ELAC2: variants seen among roughly 807,000 people sequenced by gnomAD.
ELAC2 encodes the protein zinc phosphodiesterase ELAC protein 2.
In ELAC2, 92 loss-of-function variants were observed where a neutral mutation model predicts 105.2. That is an observed-to-expected ratio of 0.87 (90% CI 0.74 to 1.04). The LOEUF (loss-of-function observed/expected upper bound fraction) is 1.04, where lower values mean the gene tolerates loss of function less well. Among genes scored for constraint, ELAC2 ranks in the 50% least tolerant of loss-of-function variants. The pLI, the probability that ELAC2 is intolerant of heterozygous loss-of-function variation, is 0.00. For missense variants in ELAC2, 1,099 were observed against 1,071.7 expected, an observed-to-expected ratio of 1.03 and a Z score of -0.36; for synonymous variants, 468 against 409.1, an observed-to-expected ratio of 1.14 and a Z score of -1.74.
chr17:13,017,392 C>T, intron 1 of ELAC2: 2 of 628,314 alleles, frequency 3.2e-6, no homozygotes, highest in South Asian at 4.0e-5. Flanking sequence ...CCACCCCACA[C>T]GCTAACAACG....
chr17:13,012,733 A>G (rs1318132170), intron 6 of ELAC2, among the ~76,000 whole-genome samples: 2 of 152,178 alleles, frequency 1.3e-5, no homozygotes, highest in African/African-American at 4.8e-5. Flanking sequence ...GTTCAAGGAC[A>G]AGACTAACTC....
intron 8 of ELAC2, among the ~76,000 whole-genome samples, chr17:13,010,223 T>G (rs149470009): frequency 0.085 from 12,976 of 151,920 alleles, 771 homozygotes; most frequent in Middle Eastern, 0.2. Flanking sequence ...CAGGCTGGAG[T>G]GCAATGGTGC....
chr17:12,995,614 TTGG>T, intron 19 of ELAC2, 86 bp downstream of exon 19: 1 of 1,291,668 alleles, frequency 7.7e-7, no homozygotes, highest in South Asian at 1.3e-5. Flanking sequence ...CTGGGGGATA[TTGG>T]TAACTACCCC....
Position 13,002,428 on chromosome 17 carries a change from T to A in ELAC2, c.1218+13A>T, listed in dbSNP as rs1047861268. Reference sequence around the variant, plus strand: ...GAGAGCTGGGCCGACAAGGGGCCGGTCTGAGACACTACCTTACAGCGGAAA... The same window carrying A: ...GAGAGCTGGGCCGACAAGGGGCCGGACTGAGACACTACCTTACAGCGGAAA... On this transcript the variant is annotated intron_variant, in intron 13 of 23. Coordinates refer to ENST00000338034, the MANE Select transcript of ELAC2 (RefSeq NM_018127.7). 1 of 1,613,566 alleles carries A rather than the reference T, an allele frequency of 6.2e-7. No individual in the cohort carries two copies. The highest frequency in any genetic ancestry group is 8.5e-7 in the Non-Finnish European group (1 of 1,179,782).
intron 16 of ELAC2, among the ~76,000 whole-genome samples, chr17:12,997,377 G>A (rs900945885): frequency 2.6e-5 from 4 of 152,180 alleles, no homozygotes; most frequent in South Asian, 4.1e-4. Context: ...GAGGAGCCAC[G>A]AACACTGAGA....
intron 14 of ELAC2, 149 bp downstream of exon 14, chr17:13,002,125 T>C: frequency 1.2e-6 from 1 of 855,766 alleles, no homozygotes; most frequent in South Asian, 1.5e-5. Flanking sequence ...TTATTGTCCG[T>C]GTTTCTTTTG....
At chr17:13,002,795 AGAGT>A (rs1214805660) in intron 12 of ELAC2, 2 of 689,920 alleles carry the variant, frequency 2.9e-6, no homozygotes, top group Admixed American at 2.4e-5. Flanking sequence ...TGTGCTGGGA[AGAGT>A]GAGAGGAAAA....
At position 13,014,468 on chromosome 17, in the gene ELAC2, A is replaced by T; in HGVS notation, c.461T>A (p.Phe154Tyr). 6.2e-7 allele frequency: 1 copy of T among 1,613,888 alleles called. No individual in the cohort carries two copies. The highest frequency in any genetic ancestry group is 8.5e-7 in the Non-Finnish European group (1 of 1,179,780). The change falls in exon 5 of 24, where the codon TTT (phenylalanine) becomes TAT (tyrosine). Residue 154 changes from phenylalanine (F) to tyrosine (Y), a missense_variant. Transcript: ENST00000338034. ...LEKYLEAIKI[F>Y]SGPLKGIELA... Reference sequence around the variant, plus strand: ...TTCTATTCCTTTCAATGGACCAGAAAATATTTTGATTGCTTCGAGGTATTT... The same window carrying T: ...TTCTATTCCTTTCAATGGACCAGAATATATTTTGATTGCTTCGAGGTATTT...
intron 1 of ELAC2, 124 bp from the exon 2 acceptor site, chr17:13,017,245 T>C: frequency 9.4e-7 from 1 of 1,061,354 alleles, no homozygotes; most frequent in East Asian, 2.5e-5. Flanking sequence ...AAAGTCCACG[T>C]TGGACTACCG....
rs2040219915 is a variant in ELAC2, at chr17:12,992,252, C to T, written c.*566G>A. The stretch of plus-strand genomic sequence containing the variant: ...TGAGGACAGGTTCCAGAGGTGCTCA[C>T]TACGACGGGAGCTGACTTCTTCCAA... On this transcript the variant is annotated 3_prime_UTR_variant, in exon 24 of 24. Transcript: ENST00000338034. 1 of 240,428 alleles carries T rather than the reference C, an allele frequency of 4.2e-6. No individual in the cohort carries two copies. The highest frequency in any genetic ancestry group is 8.2e-6 in the Non-Finnish European group (1 of 121,806). The allele number at this position is 240,428 out of a possible 1,614,324, so 14.9% of individuals were successfully genotyped here. A position where few individuals can be genotyped will look rare whatever the true frequency, so the allele number is the denominator to read the frequency against.
At position 13,013,262 on chromosome 17, in the gene ELAC2, G is replaced by C. The variant is rs556615468; in HGVS notation, c.504C>G (p.His168Gln). ...LKGIELAVRP[H>Q]SAPEYEDETM... The stretch of plus-strand genomic sequence containing the variant: ...TTTCATCCTCGTATTCTGGGGCAGA[G>C]TGGGGCCGCACAGCTACAAGAAAAC... Residue 168 changes from histidine to glutamine, a missense_variant, in exon 6 of 24, where the codon CAC (histidine) becomes CAG (glutamine). His to Gln is a conservative substitution (Grantham distance 24). Transcript: ENST00000338034. The C allele has an allele frequency of 1.2e-6, 2 of 1,614,170 alleles. No individual in the cohort carries two copies. The highest frequency in any genetic ancestry group is 2.2e-5 in the South Asian group (2 of 91,068).
At chr17:12,998,551 A>C in intron 15 of ELAC2, 43 bp from the exon 16 acceptor site, 2 of 1,549,100 alleles carry the variant, frequency 1.3e-6, no homozygotes, top group Non-Finnish European at 1.8e-6. Flanking sequence ...CTTTGGGTCA[A>C]AAGTGAGCCA....
chr17:13,010,191 G>C (rs897151753), intron 8 of ELAC2, among the ~76,000 whole-genome samples: 1 of 149,374 alleles, frequency 6.7e-6, no homozygotes, highest in African/African-American at 2.5e-5. Context: ...TTTTTTCTTT[G>C]AGAGAGTCTT....
intron 8 of ELAC2, among the ~76,000 whole-genome samples, chr17:13,009,560 T>C (rs2041295413): frequency 6.6e-6 from 1 of 152,172 alleles, no homozygotes; most frequent in South Asian, 2.1e-4. Context: ...TGTTAGACCT[T>C]AGCTATTGCA....
At position 13,017,120 on chromosome 17, in the gene ELAC2, A is replaced by G. The variant is rs944306425; in HGVS notation, c.247T>C (p.Tyr83His). ...ACGCCTTCTCCACAGTTGAAGAGAT[A>G]CCTACAAGACAAACATTACACAAGA... ...ALYVFSEFNR[Y>H]LFNCGEGVQR... Residue 83 changes from tyrosine (Y) to histidine (H), a missense_variant and splice_region_variant, in exon 2 of 24, where the codon TAT (tyrosine) becomes CAT (histidine). Tyr to His is a moderately conservative substitution (Grantham distance 83). Transcript: ENST00000338034. 1 of 1,613,662 alleles carries G rather than the reference A, an allele frequency of 6.2e-7. No individual in the cohort carries two copies. The highest frequency in any genetic ancestry group is 1.3e-5 in the African/African-American group (1 of 74,890).
chr17:13,004,951 C>G, intron 11 of ELAC2, 38 bp downstream of exon 11: 1 of 1,499,226 alleles, frequency 6.7e-7, no homozygotes, highest in Non-Finnish European at 9.3e-7. Context: ...GGCTGGGTTT[C>G]AGCTCTCACT....
intron 2 of ELAC2, 55 bp from the exon 3 acceptor site, chr17:13,016,987 T>C: frequency 7.4e-6 from 12 of 1,613,124 alleles, no homozygotes; most frequent in South Asian, 1.1e-5. Flanking sequence ...AGGACCACTT[T>C]TGCTATAAAA....
rs770669443 is a variant in ELAC2 at position 12,992,883 on chromosome 17, C to G, written c.2416G>C (p.Gly806Arg). The G allele has an allele frequency of 6.2e-7, 1 of 1,608,802 alleles. No individual in the cohort carries two copies. ...TGGGCCCGCTTCTGCTGAGGCTCCC[C>G]ATCCTCCAGGCCGCCTGCCAGCTCC... ...SRELAGGLEDGEPQQKRAHTE... is the reference protein window; with the variant it reads ...SRELAGGLEDREPQQKRAHTE... The change falls in exon 24 of 24, where the codon GGG (glycine) becomes CGG (arginine). Residue 806 changes from glycine to arginine, a missense_variant. Physicochemically the swap from Gly to Arg is moderately radical, Grantham distance 125 (BLOSUM62 -2). Transcript: ENST00000338034.
At chr17:12,995,456 A>C (rs898910204) in intron 19 of ELAC2, among the ~76,000 whole-genome samples, 3 of 152,254 alleles carry the variant, frequency 2.0e-5, no homozygotes, top group Non-Finnish European at 4.4e-5. Flanking sequence ...CGAAGTTTAG[A>C]AAGCAGCTCA....
Sources: allele counts gnomAD v4.1 joint callset (sites outside exome capture counted in the v4.1 genomes callset), GRCh38; gene constraint gnomAD v4.1.1; transcripts MANE v1.5; gene names NCBI Gene and HGNC (gene_info 2026-07-23, HGNC 2026-07-21).